The following KREMEN1 variants were observed in gnomAD, a reference collection of about 807,000 sequenced individuals.
The protein encoded by KREMEN1 is kremen protein 1.
A neutral mutation model predicts 46.5 loss-of-function variants in KREMEN1; 30 were observed. The ratio of observed to expected loss-of-function variants is 0.65; its 90% CI spans 0.48 to 0.88. The LOEUF (loss-of-function observed/expected upper bound fraction) is 0.88, where lower values mean the gene tolerates loss of function less well. KREMEN1 is among the 40% of genes least tolerant of loss of function. The probability of loss-of-function intolerance (pLI) is 0.00; values close to 1 mark genes in which losing one functional copy is unlikely to be tolerated. For synonymous variants in KREMEN1, 214 were observed against 230.6 expected (o/e 0.93, Z 0.65); for missense variants, 533 against 596.9 (o/e 0.89, Z 1.11).
At chr22:29,106,099 T>C (rs995392056) in intron 3 of KREMEN1, among the ~76,000 whole-genome samples, 9 of 152,256 alleles carry the variant, frequency 5.9e-5, no homozygotes, top group Non-Finnish European at 1.2e-4. Context: ...TTCTCAATTA[T>C]AGAAAATGTT....
intron 1 of KREMEN1, among the ~76,000 whole-genome samples, chr22:29,076,510 CCT>C (rs2123918838): frequency 6.6e-6 from 1 of 152,332 alleles, no homozygotes; most frequent in East Asian, 1.9e-4. Context: ...CTATCAAAGA[CCT>C]CTGATATTTT....
At chr22:29,083,308 T>A (rs2037684875) in intron 1 of KREMEN1, among the ~76,000 whole-genome samples, 1 of 152,254 alleles carries the variant, frequency 6.6e-6, no homozygotes. Context: ...CTTTGGTTAA[T>A]AAATGAAATA....
chr22:29,167,151 T>A, exon 10 of KREMEN1: 1 of 1,465,726 alleles, frequency 6.8e-7, no homozygotes, highest in Non-Finnish European at 9.4e-7. Flanking sequence ...GGTGGCAATT[T>A]CAGAGGGCAG....
intron 5 of KREMEN1, among the ~76,000 whole-genome samples, chr22:29,131,768 G>GTA (rs750323146): frequency 0.017 from 2,156 of 123,684 alleles, 106 homozygotes; most frequent in African/African-American, 0.076. Context: ...ATATATATAT[G>GTA]TATATATATA....
At chr22:29,150,229 G>A (rs982530735), downstream of KREMEN1, among the ~76,000 whole-genome samples, 6 of 152,320 alleles carry the variant, frequency 3.9e-5, no homozygotes, top group East Asian at 7.7e-4. Context: ...GGTGGGGGGG[G>A]GGGCAGTGCC....
At chr22:29,097,074 G>A (rs998811358) in intron 2 of KREMEN1, among the ~76,000 whole-genome samples, 15 of 152,244 alleles carry the variant, frequency 9.9e-5, no homozygotes, top group Admixed American at 2.0e-4. Context: ...ACAAAAGGAC[G>A]CTTTGTACTT....
chr22:29,106,243 CAG>C (rs2038057475), intron 3 of KREMEN1, among the ~76,000 whole-genome samples: 2 of 149,060 alleles, frequency 1.3e-5, no homozygotes, highest in Admixed American at 6.7e-5. Context: ...CTTTTTGAGA[CAG>C]AGTCTCACTC....
At chr22:29,121,724 C>A (rs2038359903) in intron 4 of KREMEN1, among the ~76,000 whole-genome samples, 1 of 152,200 alleles carries the variant, frequency 6.6e-6, no homozygotes, top group Non-Finnish European at 1.5e-5. Flanking sequence ...CACAGAATTT[C>A]TTTTCTGGGT....
In KREMEN1 at chr22:29,137,619, G is replaced by A; in HGVS notation, c.909G>A (p.Leu303=). The change falls in exon 6 of 9, where the codon TTG becomes TTA. Residue 303 remains leucine (L), a synonymous_variant. Coordinates refer to ENST00000400335, the MANE Select transcript of KREMEN1 (RefSeq NM_001039570.3). ...SFNVSLDFVI[L]YFFSDRINQA... is the part of the protein sequence containing the mutation. Reference sequence around the variant, plus strand: ...ACGTCTCTCTGGACTTCGTCATCTTGTATTTCTTCTCTGATCGCATCAATC... The same window carrying A: ...ACGTCTCTCTGGACTTCGTCATCTTATATTTCTTCTCTGATCGCATCAATC... The A allele has an allele frequency of 6.2e-7, 1 of 1,612,286 alleles. No homozygotes were observed. The highest frequency in any genetic ancestry group is 8.5e-7 in the Non-Finnish European group (1 of 1,178,488).
At chr22:29,124,916 T>C (rs1183017028) in intron 4 of KREMEN1, among the ~76,000 whole-genome samples, 3 of 152,228 alleles carry the variant, frequency 2.0e-5, no homozygotes, top group Non-Finnish European at 4.4e-5. Flanking sequence ...GGGTTAGCTA[T>C]AAAGCACTCA....
intron 3 of KREMEN1, among the ~76,000 whole-genome samples, chr22:29,107,125 T>G (rs949250709): frequency 1.3e-5 from 2 of 152,148 alleles, no homozygotes; most frequent in Admixed American, 6.5e-5. Context: ...CAGCTTTGTC[T>G]GGGCCTTAGG....
At chr22:29,112,407 A>G (rs893674192) in intron 3 of KREMEN1, among the ~76,000 whole-genome samples, 6 of 152,176 alleles carry the variant, frequency 3.9e-5, no homozygotes, top group Non-Finnish European at 8.8e-5. Flanking sequence ...GCTGTCAGCC[A>G]TGGAGGCCCC....
chr22:29,160,143 T>G (rs1026109417), intron 9 of KREMEN1, among the ~76,000 whole-genome samples: 3 of 152,110 alleles, frequency 2.0e-5, no homozygotes, highest in African/African-American at 4.8e-5. Flanking sequence ...ATCAACCACA[T>G]GCTCAGCCAT....
intron 1 of KREMEN1, among the ~76,000 whole-genome samples, chr22:29,085,506 T>C (rs796243370): frequency 2.6e-5 from 4 of 152,338 alleles, no homozygotes; most frequent in African/African-American, 9.6e-5. Flanking sequence ...AAATATCCAG[T>C]CAATGTTCAG....
In KREMEN1 at chr22:29,145,894, G is replaced by A. The variant is rs879686639; in HGVS notation, c.*3782G>A. On this transcript the variant is annotated 3_prime_UTR_variant, in exon 9 of 9. Transcript: ENST00000400335. ...AGAACCCACGGGCGTGCCTGGGTGCGGCTCCACCCACATGCCCCACTGTCA... is the reference window on the plus strand; with the variant it reads ...AGAACCCACGGGCGTGCCTGGGTGCAGCTCCACCCACATGCCCCACTGTCA... The A allele has an allele frequency of 7.4e-5, 73 of 985,620 alleles. No homozygotes were observed. Among genetic ancestry groups the A allele is most frequent in the African/African-American group, 1.2e-4 (7 of 57,218 alleles). 61.1% of individuals were successfully genotyped at this position (985,620 alleles called of 1,614,324 possible).
chr22:29,147,071 G>T (rs1002052281), downstream of KREMEN1, among the ~76,000 whole-genome samples: 1 of 152,168 alleles, frequency 6.6e-6, no homozygotes, highest in Non-Finnish European at 1.5e-5. Context: ...TCCAAGGAGG[G>T]TCAGGGCAGA....
At chr22:29,088,636 T>C (rs2037765554) in intron 1 of KREMEN1, among the ~76,000 whole-genome samples, 1 of 152,212 alleles carries the variant, frequency 6.6e-6, no homozygotes, top group Non-Finnish European at 1.5e-5. Context: ...GGCCTCAGAA[T>C]AACCTCAGTT....
intron 2 of KREMEN1, among the ~76,000 whole-genome samples, 166 bp downstream of exon 2, chr22:29,094,586 C>T (rs1350936693): frequency 6.9e-6 from 1 of 144,308 alleles, no homozygotes; most frequent in African/African-American, 2.8e-5. Flanking sequence ...CACACACACA[C>T]ACACACACAC....
At chr22:29,105,462 C>T (rs193130747) in intron 3 of KREMEN1, among the ~76,000 whole-genome samples, 29 of 135,966 alleles carry the variant, frequency 2.1e-4, no homozygotes, top group African/African-American at 3.2e-4. Flanking sequence ...CGTGCGTGTG[C>T]GCACACACAC....
Sources: allele counts gnomAD v4.1 joint callset (sites outside exome capture counted in the v4.1 genomes callset), GRCh38; gene constraint gnomAD v4.1.1; transcripts MANE v1.5; gene names NCBI Gene and HGNC (gene_info 2026-07-23, HGNC 2026-07-21).